Variants in ADCK1 observed in about 807,000 individuals in gnomAD.
ADCK1 encodes the protein aarF domain-containing protein kinase 1.
In ADCK1, 41 loss-of-function variants were observed where a neutral mutation model predicts 52.3. The ratio of observed to expected loss-of-function variants is 0.78; its 90% CI spans 0.61 to 1.02. ADCK1 has a LOEUF of 1.02. Among genes scored for constraint, ADCK1 ranks in the 50% least tolerant of loss-of-function variants. The probability of loss-of-function intolerance (pLI) is 0.00; values close to 1 mark genes in which losing one functional copy is unlikely to be tolerated. For missense variants in ADCK1, 658 were observed against 679.5 expected (o/e 0.97, Z 0.35); for synonymous variants, 250 against 274.6 (o/e 0.91, Z 0.89).
In ADCK1 at chr14:77,933,568, A is replaced by C. The variant is rs2084392112; in HGVS notation, c.*177A>C. The C allele has an allele frequency of 5.9e-6, 4 of 676,926 alleles. No individual in the cohort carries two copies. Among genetic ancestry groups the C allele is most frequent in the Non-Finnish European group, 9.8e-6 (4 of 407,550 alleles). 41.9% of individuals were successfully genotyped at this position (676,926 alleles called of 1,614,324 possible). A position where few individuals can be genotyped will look rare whatever the true frequency, so the allele number is the denominator to read the frequency against. On this transcript the variant is annotated 3_prime_UTR_variant, in exon 11 of 11. Coordinates refer to ENST00000238561, the MANE Select transcript of ADCK1 (RefSeq NM_020421.4). ...CTCCGCACACTGTGGCCCTTGTCTC[A>C]GGGCCCACAAGCTGAACTGTGGCAT...
intron 4 of ADCK1, among the ~76,000 whole-genome samples, chr14:77,877,780 T>C (rs997671264): frequency 1.3e-5 from 2 of 152,180 alleles, no homozygotes; most frequent in Non-Finnish European, 2.9e-5. Context: ...AGTTTTTTAT[T>C]TTTTTGTAGA....
intron 7 of ADCK1, 80 bp from the exon 8 acceptor site, chr14:77,924,377 C>G: frequency 1.3e-6 from 2 of 1,559,308 alleles, no homozygotes; most frequent in Non-Finnish European, 1.7e-6. Flanking sequence ...TTAAAAGTGA[C>G]CACATTGAGA....
At position 77,908,443 on chromosome 14, in the gene ADCK1, C is replaced by G. The variant is rs550755638; in HGVS notation, c.858+524C>G. ...AGGGAATACTGGCCAGTGGGTAGGA[C>G]CTGTCCCTCACTTTCTGCTTCTTGG... is the stretch of plus-strand genomic sequence containing the variant. On this transcript the variant is annotated intron_variant, in intron 7 of 10. Coordinates refer to ENST00000238561, the MANE Select transcript of ADCK1 (RefSeq NM_020421.4). 3 of 153,858 alleles carry G rather than the reference C, an allele frequency of 1.9e-5. No homozygotes were observed. The South Asian group carries it at 6.1e-4, about 31-fold the overall frequency. 9.5% of individuals were successfully genotyped at this position (153,858 alleles called of 1,614,324 possible). A position where few individuals can be genotyped will look rare whatever the true frequency, so the allele number is the denominator to read the frequency against.
intron 3 of ADCK1, among the ~76,000 whole-genome samples, chr14:77,823,757 G>A (rs1370047648): frequency 6.6e-6 from 1 of 151,910 alleles, no homozygotes; most frequent in Non-Finnish European, 1.5e-5. Context: ...GTTTTTAGTA[G>A]AAGCAGGGTT....
At chr14:77,816,395 C>CA in intron 1 of ADCK1, among the ~76,000 whole-genome samples, 1 of 149,832 alleles carries the variant, frequency 6.7e-6, no homozygotes, top group African/African-American at 2.4e-5. Context: ...TGCCCCAAGG[C>CA]AGGATCGTGG....
intron 3 of ADCK1, among the ~76,000 whole-genome samples, chr14:77,826,941 GCT>G (rs1170506841): frequency 1.3e-5 from 2 of 152,152 alleles, no homozygotes; most frequent in Non-Finnish European, 1.5e-5. Context: ...GGGAAGAGCA[GCT>G]CTCTCTTTTC....
chr14:77,855,498 G>T (rs1173104646), intron 3 of ADCK1, among the ~76,000 whole-genome samples: 1 of 152,176 alleles, frequency 6.6e-6, no homozygotes, highest in African/African-American at 2.4e-5. Flanking sequence ...CCCATGTGTG[G>T]TCAGGGTGGG....
At chr14:77,822,688 A>G (rs1566637707) in intron 3 of ADCK1, among the ~76,000 whole-genome samples, 170 bp downstream of exon 3, 1 of 152,102 alleles carries the variant, frequency 6.6e-6, no homozygotes, top group Non-Finnish European at 1.5e-5. Flanking sequence ...CCTAGCCACG[A>G]AGCTTCCTGT....
At position 77,887,088 on chromosome 14, in the gene ADCK1, C is replaced by A; in HGVS notation, c.424-3C>A. Reference sequence around the variant, plus strand: ...ATTGCTCTGTTCTCTCCACTCCCGACAGATCCATGATTTGTTCCAGAGCTT... The same window carrying A: ...ATTGCTCTGTTCTCTCCACTCCCGAAAGATCCATGATTTGTTCCAGAGCTT... On this transcript the variant is annotated splice_region_variant and splice_polypyrimidine_tract_variant and intron_variant, in intron 4 of 10. Coordinates refer to ENST00000238561, the MANE Select transcript of ADCK1 (RefSeq NM_020421.4). 1 of 1,576,012 alleles carries A rather than the reference C, an allele frequency of 6.3e-7. No individual in the cohort carries two copies. The highest frequency in any genetic ancestry group is 1.2e-5 in the South Asian group (1 of 84,586).
intron 4 of ADCK1, among the ~76,000 whole-genome samples, chr14:77,869,931 C>A (rs2082739862): frequency 6.6e-6 from 1 of 152,132 alleles, no homozygotes; most frequent in African/African-American, 2.4e-5. Flanking sequence ...AGATGTTGTA[C>A]CGGGTTAAAT....
At chr14:77,842,065 T>G (rs2082079584) in intron 3 of ADCK1, among the ~76,000 whole-genome samples, 1 of 152,088 alleles carries the variant, frequency 6.6e-6, no homozygotes, top group Non-Finnish European at 1.5e-5. Context: ...TACCCCAGCC[T>G]GGGCGACTGA....
chr14:77,906,216 T>G (rs563149010), intron 6 of ADCK1, among the ~76,000 whole-genome samples: 1 of 152,310 alleles, frequency 6.6e-6, no homozygotes, highest in Non-Finnish European at 1.5e-5. Context: ...ACTATGTTAT[T>G]GCTAGATGAA....
intron 3 of ADCK1, among the ~76,000 whole-genome samples, chr14:77,842,915 G>T: frequency 7.0e-6 from 1 of 142,650 alleles, no homozygotes. Flanking sequence ...TTTAAGACTA[G>T]GTCTTTTTCT....
chr14:77,884,248 C>T (rs191554146), intron 4 of ADCK1, among the ~76,000 whole-genome samples: 6 of 152,280 alleles, frequency 3.9e-5, no homozygotes, highest in African/African-American at 7.2e-5. Context: ...TTTAGCTGCC[C>T]GAGAGATGAG....
chr14:77,831,119 A>G (rs2081839102), intron 3 of ADCK1, among the ~76,000 whole-genome samples: 1 of 152,174 alleles, frequency 6.6e-6, no homozygotes, highest in African/African-American at 2.4e-5. Context: ...CCAGGCAGAC[A>G]TGGCTGGACA....
chr14:77,868,760 C>T (rs906580413), intron 4 of ADCK1, among the ~76,000 whole-genome samples: 2 of 152,166 alleles, frequency 1.3e-5, no homozygotes, highest in Non-Finnish European at 2.9e-5. Context: ...TGGGACCCAC[C>T]ACTTGTTGGT....
At chr14:77,850,122 C>G (rs1041437693) in intron 3 of ADCK1, among the ~76,000 whole-genome samples, 1 of 152,102 alleles carries the variant, frequency 6.6e-6, no homozygotes, top group African/African-American at 2.4e-5. Context: ...CAGGAAACTC[C>G]CTTGAGGCCA....
chr14:77,928,998 A>G (rs2084261141), intron 9 of ADCK1, among the ~76,000 whole-genome samples: 1 of 152,142 alleles, frequency 6.6e-6, no homozygotes, highest in Non-Finnish European at 1.5e-5. Context: ...ATATCTTTTT[A>G]TAAGGTCCCT....
At chr14:77,868,831 T>G (rs1234531292) in intron 4 of ADCK1, among the ~76,000 whole-genome samples, 3 of 152,222 alleles carry the variant, frequency 2.0e-5, no homozygotes, top group African/African-American at 7.2e-5. Flanking sequence ...CATGTGCCAC[T>G]GCAGCGGGGG....
Sources: allele counts gnomAD v4.1 joint callset (sites outside exome capture counted in the v4.1 genomes callset), GRCh38; gene constraint gnomAD v4.1.1; transcripts MANE v1.5; gene names NCBI Gene and HGNC (gene_info 2026-07-23, HGNC 2026-07-21).